The following TGFA variants were observed in gnomAD, a reference collection of about 807,000 sequenced individuals.
TGFA encodes transforming growth factor alpha.
TGFA carries 12 observed loss-of-function variants against 21.7 expected under a neutral mutation model. The ratio of observed to expected loss-of-function variants is 0.55; its 90% CI spans 0.35 to 0.90. The LOEUF (loss-of-function observed/expected upper bound fraction) is 0.90. Among genes scored for constraint, TGFA ranks in the 40% least tolerant of loss-of-function variants. The pLI, the probability that TGFA is intolerant of heterozygous loss-of-function variation, is 0.01. For synonymous variants in TGFA, 79 were observed against 88.1 expected (o/e 0.90, Z 0.58); for missense variants, 178 against 210.8 (o/e 0.84, Z 0.96).
chr2:70,534,592 G>A (rs1333813712), intron 1 of TGFA, among the ~76,000 whole-genome samples: 2 of 152,184 alleles, frequency 1.3e-5, no homozygotes, highest in Admixed American at 6.5e-5. Context: ...TATTATTAGA[G>A]GTTCCTTGGT....
At chr2:70,553,647 C>T (rs556382400) in intron 1 of TGFA, 81 bp downstream of exon 1, 18 of 1,312,688 alleles carry the variant, frequency 1.4e-5, no homozygotes, top group Middle Eastern at 2.0e-4. Flanking sequence ...GCGCAGAAAC[C>T]CCCGGAAAGG....
At chr2:70,476,079 G>GAAA (rs1670915046) in intron 2 of TGFA, among the ~76,000 whole-genome samples, 3 of 5,428 alleles carry the variant, frequency 5.5e-4, no homozygotes, top group Non-Finnish European at 1.0e-3. Context: ...GTAATTTTAA[G>GAAA]CAAAAAAAAA....
chr2:70,532,284 T>C (rs1329612537), intron 1 of TGFA, among the ~76,000 whole-genome samples: 1 of 152,172 alleles, frequency 6.6e-6, no homozygotes, highest in Non-Finnish European at 1.5e-5. Flanking sequence ...ACAATCCAGA[T>C]TTTGTTCTTG....
chr2:70,455,037 A>G (rs1325548134), intron 4 of TGFA, among the ~76,000 whole-genome samples: 1 of 152,188 alleles, frequency 6.6e-6, no homozygotes, highest in Non-Finnish European at 1.5e-5. Flanking sequence ...CTGCTCCTCG[A>G]GGAGGGCCCT....
intron 2 of TGFA, among the ~76,000 whole-genome samples, chr2:70,480,063 G>T (rs1553495145): frequency 7.3e-6 from 1 of 137,582 alleles, no homozygotes; most frequent in East Asian, 2.3e-4. Flanking sequence ...ATATTTTGGG[G>T]CTAGATAAAG....
chr2:70,502,544 C>A (rs951091805), intron 2 of TGFA, among the ~76,000 whole-genome samples: 2 of 152,092 alleles, frequency 1.3e-5, no homozygotes, highest in Non-Finnish European at 2.9e-5. Flanking sequence ...TGGTCTTGAA[C>A]TCCTGACCTC....
intron 1 of TGFA, among the ~76,000 whole-genome samples, chr2:70,543,751 T>C (rs1482756248): frequency 6.6e-6 from 1 of 152,184 alleles, no homozygotes; most frequent in Non-Finnish European, 1.5e-5. Flanking sequence ...TAGCAATTTC[T>C]TTCAAGCCTT....
chr2:70,525,684 G>A (rs1315076310), intron 1 of TGFA, among the ~76,000 whole-genome samples: 1 of 152,132 alleles, frequency 6.6e-6, no homozygotes, highest in Admixed American at 6.5e-5. Context: ...TCCAGGTGCT[G>A]AAGAGGAGGA....
At chr2:70,536,083 A>T (rs545074425) in intron 1 of TGFA, among the ~76,000 whole-genome samples, 7 of 152,384 alleles carry the variant, frequency 4.6e-5, no homozygotes, top group Non-Finnish European at 8.8e-5. Context: ...ATTCACAAGT[A>T]CTGAGGGAGA....
chr2:70,528,840 A>C (rs141412878), intron 1 of TGFA, among the ~76,000 whole-genome samples: 6 of 152,308 alleles, frequency 3.9e-5, no homozygotes, highest in African/African-American at 1.4e-4. Flanking sequence ...AGGGCTCCCA[A>C]GTGGGTATCA....
chr2:70,473,681 A>AGG (rs71398908), intron 2 of TGFA, among the ~76,000 whole-genome samples: 1 of 101,716 alleles, frequency 9.8e-6, no homozygotes, highest in African/African-American at 2.8e-5. Context: ...GCTGTCTTAG[A>AGG]GGGGGGTGTG....
intron 2 of TGFA, among the ~76,000 whole-genome samples, chr2:70,473,440 C>T (rs1429657782): frequency 6.6e-6 from 1 of 151,472 alleles, no homozygotes; most frequent in Non-Finnish European, 1.5e-5. Flanking sequence ...AGGAAGGGCA[C>T]TGTCAGCATC....
In TGFA at chr2:70,447,301, C is replaced by A. The variant is rs1260695334; in HGVS notation, c.*3558G>T. ...AGTCTTGATTTAGGAAAAAAAGATT[C>A]ATTCCTTCATCCTTCCAAATAAGGT... On this transcript the variant is annotated 3_prime_UTR_variant, in exon 6 of 6. Coordinates refer to ENST00000295400, the MANE Select transcript of TGFA (RefSeq NM_003236.4). 1 of 152,586 alleles carries A rather than the reference C, an allele frequency of 6.6e-6. No individual in the cohort carries two copies. The allele number at this position is 152,586 out of a possible 1,614,324, so 9.5% of individuals were successfully genotyped here.
At chr2:70,480,935 T>C (rs1218373946) in intron 2 of TGFA, among the ~76,000 whole-genome samples, 1 of 152,090 alleles carries the variant, frequency 6.6e-6, no homozygotes, top group Non-Finnish European at 1.5e-5. Context: ...CTGGTTTAAA[T>C]CCCCTGGGCT....
At chr2:70,533,403 G>T (rs994626778) in intron 1 of TGFA, among the ~76,000 whole-genome samples, 2 of 152,090 alleles carry the variant, frequency 1.3e-5, no homozygotes, top group East Asian at 1.9e-4. Context: ...TAGATTGTGG[G>T]TCACAAAGAT....
At chr2:70,456,560 T>A in intron 3 of TGFA, 72 bp from the exon 4 acceptor site, 1 of 1,501,548 alleles carries the variant, frequency 6.7e-7, no homozygotes, top group Admixed American at 2.0e-5. Flanking sequence ...CAGGGAGGGC[T>A]TTCCTGGAGG....
chr2:70,526,204 T>C (rs1672629632), intron 1 of TGFA, among the ~76,000 whole-genome samples: 1 of 152,220 alleles, frequency 6.6e-6, no homozygotes, highest in Non-Finnish European at 1.5e-5. Context: ...CATCAGCCTG[T>C]GCCTGTCTTG....
At chr2:70,471,176 CA>C (rs1298995457) in intron 2 of TGFA, among the ~76,000 whole-genome samples, 2 of 148,804 alleles carry the variant, frequency 1.3e-5, no homozygotes, top group Non-Finnish European at 3.0e-5. Flanking sequence ...GTTCTTTGCG[CA>C]GGGTGCTGTC....
intron 2 of TGFA, among the ~76,000 whole-genome samples, chr2:70,504,668 T>C (rs1287210999): frequency 6.6e-6 from 1 of 151,932 alleles, no homozygotes; most frequent in Non-Finnish European, 1.5e-5. Flanking sequence ...GCTGTATGTC[T>C]AAATTTTAAT....
Sources: allele counts gnomAD v4.1 joint callset (sites outside exome capture counted in the v4.1 genomes callset), GRCh38; gene constraint gnomAD v4.1.1; transcripts MANE v1.5; gene names NCBI Gene and HGNC (gene_info 2026-07-23, HGNC 2026-07-21).